Variants in ARHGAP39 observed in about 807,000 individuals in gnomAD.
ARHGAP39 encodes Rho GTPase activating protein 39.
ARHGAP39 carries 44 observed loss-of-function variants against 106.9 expected under a neutral mutation model. The ratio of observed to expected loss-of-function variants is 0.41; its 90% confidence interval spans 0.32 to 0.53. The LOEUF (loss-of-function observed/expected upper bound fraction) is 0.53. Ranked by LOEUF, ARHGAP39 falls within the 20% of genes least tolerant of loss-of-function variation. The pLI is 0.21. For missense variants in ARHGAP39, 1,496 were observed against 1,577.3 expected, an observed-to-expected ratio of 0.95 and a Z score of 0.87; for synonymous variants, 768 against 693.2, an observed-to-expected ratio of 1.11 and a Z score of -1.69.
intron 1 of ARHGAP39, among the ~76,000 whole-genome samples, chr8:144,677,978 G>A (rs1197712467): frequency 1.3e-5 from 2 of 152,200 alleles, no homozygotes; most frequent in African/African-American, 2.4e-5. Context: ...AGCAGCCGAC[G>A]TGGGAAATGT....
chr8:144,574,149 G>GGAA lies in ARHGAP39; in HGVS notation c.512+6696_512+6697insTTC, dbSNP rs1312814141. 3.5e-3 allele frequency among the ~76,000 whole-genome samples: 375 copies of GGAA among 107,280 alleles called. 3 individuals carry two copies. The highest frequency in any genetic ancestry group is 0.014 in the African/African-American group (363 of 26,138). 70.4% of individuals were successfully genotyped at this position (107,280 alleles called of 152,430 possible). On this transcript the variant is annotated intron_variant, in intron 3 of 11. Coordinates refer to ENST00000377307, the MANE Select transcript of ARHGAP39 (RefSeq NM_025251.3). ...CCACTGTACTGCAGCCTGGGTGACAGAAAAAAAAAAAAAAAAAAGGGAAGA... is the reference window on the plus strand; with the variant it reads ...CCACTGTACTGCAGCCTGGGTGACAGGAAAAAAAAAAAAAAAAAAAAGGGAAGA...
chr8:144,675,375 A>C (rs1822206589), intron 1 of ARHGAP39, among the ~76,000 whole-genome samples: 1 of 152,176 alleles, frequency 6.6e-6, no homozygotes, highest in Non-Finnish European at 1.5e-5. Flanking sequence ...TGCTGACTTC[A>C]AGAACGAAGC....
intron 5 of ARHGAP39, among the ~76,000 whole-genome samples, chr8:144,546,253 C>T (rs917011797): frequency 5.9e-5 from 9 of 152,304 alleles, no homozygotes; most frequent in South Asian, 4.1e-4. Flanking sequence ...CAGGCCCTTC[C>T]CTCCAGCCTT....
intron 2 of ARHGAP39, among the ~76,000 whole-genome samples, chr8:144,584,520 T>C (rs975854112): frequency 4.6e-5 from 7 of 152,122 alleles, no homozygotes; most frequent in African/African-American, 1.7e-4. Context: ...CCCAGCACTT[T>C]GGGAGTCCCA....
intron 1 of ARHGAP39, among the ~76,000 whole-genome samples, chr8:144,673,098 T>C (rs567650775): frequency 1.3e-5 from 2 of 152,270 alleles, no homozygotes; most frequent in South Asian, 2.1e-4. Flanking sequence ...GCACCTATTG[T>C]TCCAGCTACT....
intron 1 of ARHGAP39, among the ~76,000 whole-genome samples, chr8:144,630,236 G>A (rs1446794799): frequency 2.6e-5 from 4 of 152,174 alleles, no homozygotes; most frequent in Non-Finnish European, 4.4e-5. Flanking sequence ...CACAACTCAT[G>A]TGCTCGCCCA....
rs904039566 is a variant in ARHGAP39, at chr8:144,644,578, G to A, written c.-81-38883C>T. On this transcript the variant is annotated intron_variant, in intron 1 of 11. Transcript: ENST00000377307. The surrounding 1 kb of genome is among the most constrained non-coding windows in gnomAD (Gnocchi z 4.8). The stretch of plus-strand genomic sequence containing the variant: ...ATTGAAACACTGCCAAATGCACGCC[G>A]GCTCGTGGCGGCACCCCTTCCGGCT... Among the ~76,000 whole-genome samples, 9 of 152,164 alleles carry A rather than the reference G, an allele frequency of 5.9e-5. No homozygotes were observed. The highest frequency in any genetic ancestry group is 1.2e-4 in the African/African-American group (5 of 41,426).
rs542671128 is a variant in ARHGAP39 at position 144,604,550 on chromosome 8, G to T, written c.80+985C>A. Among the ~76,000 whole-genome samples the T allele has an allele frequency of 2.0e-5, 3 of 152,232 alleles. No individual in the cohort carries two copies. In the South Asian group the frequency reaches 6.2e-4, roughly 32 times the overall value. ...CTGCCACCACATCTGGCTAATTTTT[G>T]TATTTTTTGTAGAGATGGGGTCTCG... On this transcript the variant is annotated intron_variant, in intron 2 of 11. Coordinates refer to ENST00000377307, the MANE Select transcript of ARHGAP39 (RefSeq NM_025251.3). This position sits in a 1 kb window ranked among gnomAD's most constrained non-coding sequence, Gnocchi z 4.1.
At position 144,574,622 on chromosome 8, in the gene ARHGAP39, T is replaced by C. The variant is rs558988564; in HGVS notation, c.512+6224A>G. On this transcript the variant is annotated intron_variant, in intron 3 of 11. Coordinates refer to ENST00000377307, the MANE Select transcript of ARHGAP39 (RefSeq NM_025251.3). The stretch of plus-strand genomic sequence containing the variant: ...CCAGGAGGCGGAGCTTGCAGTAAGC[T>C]GAGATTGCGGCACTGCATTCCAGCC... 9.9e-5 allele frequency among the ~76,000 whole-genome samples: 15 copies of C among 152,264 alleles called. No homozygotes were observed. The South Asian group carries it at 1.9e-3, about 19-fold the overall frequency.
the ARHGAP39 span, chr8:144,698,933 A>G: frequency 4.4e-6 from 2 of 452,928 alleles, no homozygotes; most frequent in South Asian, 1.6e-5. Flanking sequence ...TGGAGTGTTC[A>G]CACCATCCCA....
intron 1 of ARHGAP39, among the ~76,000 whole-genome samples, chr8:144,632,478 A>G (rs1446309362): frequency 6.6e-6 from 1 of 152,210 alleles, no homozygotes; most frequent in African/African-American, 2.4e-5. Context: ...CTGTGTGTCA[A>G]TGAGTGGTGG....
intron 1 of ARHGAP39, among the ~76,000 whole-genome samples, chr8:144,631,985 C>T (rs534047821): frequency 4.6e-5 from 7 of 152,312 alleles, no homozygotes; most frequent in African/African-American, 1.7e-4. Flanking sequence ...TCTGAGCCCT[C>T]AGGTGAAGCC....
intron 2 of ARHGAP39, among the ~76,000 whole-genome samples, chr8:144,592,213 A>G (rs1380661971): frequency 6.6e-6 from 1 of 152,176 alleles, no homozygotes; most frequent in African/African-American, 2.4e-5. Flanking sequence ...GCCTCCTAAG[A>G]ACACTGTGGG....
chr8:144,540,986 G>C (rs1387167362), intron 6 of ARHGAP39, among the ~76,000 whole-genome samples: 1 of 151,578 alleles, frequency 6.6e-6, no homozygotes, highest in East Asian at 1.9e-4. Context: ...TGAGTGCCTG[G>C]GATTACAGGC....
rs1816625544 is a variant in ARHGAP39 at position 144,530,329 on chromosome 8, C to T, written c.*93G>A. On this transcript the variant is annotated 3_prime_UTR_variant, in exon 12 of 12. Transcript: ENST00000377307. The stretch of plus-strand genomic sequence containing the variant: ...AGTGGAGGGGGCTCCAGGGCTGGGC[C>T]GGGCGATTCTGGCCCCTCTGCCGGG... 7 of 1,377,928 alleles carry T rather than the reference C, an allele frequency of 5.1e-6. No homozygotes were observed. The highest frequency in any genetic ancestry group is 2.5e-5 in the East Asian group (1 of 39,598). 85.4% of individuals were successfully genotyped at this position (1,377,928 alleles called of 1,614,324 possible). A position where few individuals can be genotyped will look rare whatever the true frequency, so the allele number is the denominator to read the frequency against.
rs1821309139 is a variant in ARHGAP39, at chr8:144,641,329, G to A, written c.-81-35634C>T. ...GGAATGAAAATTAACTCTTTATGTTGTATAACTGGCTGCTACAATCTGTCA... is the reference window on the plus strand; with the variant it reads ...GGAATGAAAATTAACTCTTTATGTTATATAACTGGCTGCTACAATCTGTCA... On this transcript the variant is annotated intron_variant, in intron 1 of 11. Coordinates refer to ENST00000377307, the MANE Select transcript of ARHGAP39 (RefSeq NM_025251.3). This position sits in a 1 kb window ranked among gnomAD's most constrained non-coding sequence, Gnocchi z 5.2. 1.3e-5 allele frequency among the ~76,000 whole-genome samples: 2 copies of A among 152,078 alleles called. No individual in the cohort carries two copies. Among genetic ancestry groups the A allele is most frequent in the African/African-American group, 2.4e-5 (1 of 41,418 alleles).
intron 2 of ARHGAP39, among the ~76,000 whole-genome samples, chr8:144,584,590 C>G (rs1329129546): frequency 1.3e-5 from 2 of 152,068 alleles, no homozygotes; most frequent in African/African-American, 4.8e-5. Flanking sequence ...TGGTGAAACC[C>G]CGTCTCTACT....
chr8:144,556,082 G>A (rs960437127), intron 3 of ARHGAP39, among the ~76,000 whole-genome samples: 1 of 152,200 alleles, frequency 6.6e-6, no homozygotes, highest in East Asian at 1.9e-4. Flanking sequence ...TCAGGAGATC[G>A]AGACCATCCT....
chr8:144,600,570 G>T (rs116759134), intron 2 of ARHGAP39, among the ~76,000 whole-genome samples: 3,643 of 148,556 alleles, frequency 0.025, 73 homozygotes, highest in Admixed American at 0.063. Flanking sequence ...GCGTGGAGGC[G>T]TGCATGTGCA....
Sources: gnomAD v4.1 joint callset for allele counts (sites outside exome capture counted in the v4.1 genomes callset) on GRCh38, gnomAD v4.1.1 for gene constraint, Gnocchi (gnomAD v3.1) non-coding constraint, MANE v1.5 for transcripts, NCBI Gene and HGNC (gene_info 2026-07-23, HGNC 2026-07-21) for gene names.